CPT1C: variants seen among roughly 807,000 people sequenced by gnomAD.
CPT1C encodes the protein carnitine palmitoyltransferase 1C, also known as palmitoyl thioesterase CPT1C.
A neutral mutation model predicts 97.3 loss-of-function variants in CPT1C; 61 were observed. The ratio of observed to expected loss-of-function variants is 0.63; its 90% CI spans 0.51 to 0.78. The LOEUF (loss-of-function observed/expected upper bound fraction) is 0.78, where lower values mean the gene tolerates loss of function less well. Ranked by LOEUF, CPT1C falls within the 30% of genes least tolerant of loss-of-function variation. The probability of loss-of-function intolerance (pLI) is 0.00; values close to 1 mark genes in which losing one functional copy is unlikely to be tolerated. For synonymous variants in CPT1C, 469 were observed against 447.2 expected, an observed-to-expected ratio of 1.05 and a Z score of -0.61; for missense variants, 975 against 1,065.5, an observed-to-expected ratio of 0.92 and a Z score of 1.18.
chr19:49,706,495 C>G lies in CPT1C; in HGVS notation c.1343+82C>G. The stretch of plus-strand genomic sequence containing the variant: ...ACCTAGGACCCCTGACAGTAGACAG[C>G]CAGACCCTGGAGCCCACACCTGCAG... On this transcript the variant is annotated intron_variant, in intron 12 of 19. Transcript: ENST00000598293. The surrounding 1 kb of genome is among the most constrained non-coding windows in gnomAD (Gnocchi z 4.8). 8.2e-7 allele frequency: 1 copy of G among 1,226,844 alleles called. No homozygotes were observed. The highest frequency in any genetic ancestry group is 1.1e-6 in the Non-Finnish European group (1 of 942,182). 76.0% of individuals were successfully genotyped at this position (1,226,844 alleles called of 1,614,324 possible).
At chr19:49,698,791 T>C (rs1403398052) in intron 4 of CPT1C, among the ~76,000 whole-genome samples, 1 of 151,992 alleles carries the variant, frequency 6.6e-6, no homozygotes, top group Non-Finnish European at 1.5e-5. Context: ...CTTAGTGTGC[T>C]TGGAAGAATT....
In CPT1C at chr19:49,713,482, G is replaced by C. The variant is rs368751632; in HGVS notation, c.2289G>C (p.Gln763His). Residue 763 changes from glutamine to histidine, a missense_variant, in exon 20 of 20, where the codon CAG (glutamine) becomes CAC (histidine). Around this residue, in one of 3 missense-constraint regions of CPT1C, gnomAD observed 344 missense variants for 395.7 expected, o/e 0.87. Transcript: ENST00000598293. ...TGCTGGATGTGGCCTCCCTGTTCCA[G>C]GCGGGACAGCATTTTAAGCGCCGGT... ...DALLDVASLF[Q>H]AGQHFKRRFR... The C allele has an allele frequency of 5.0e-6, 8 of 1,614,240 alleles. No homozygotes were observed. The highest frequency in any genetic ancestry group is 3.3e-5 in the South Asian group (3 of 91,092).
chr19:49,706,272 C>T lies in CPT1C; in HGVS notation c.1202C>T (p.Ala401Val), dbSNP rs376287276. Reference sequence around the variant, plus strand: ...GTGCGGACATCCCTGAAGACCCAGGCAGCGGAGGCCCTGGAGGCGGTGGAA... The same window carrying T: ...GTGCGGACATCCCTGAAGACCCAGGTAGCGGAGGCCCTGGAGGCGGTGGAA... ...AQVRTSLKTQ[A>V]AEALEAVEGA... is the part of the protein sequence containing the mutation. The change falls in exon 12 of 20, where the codon GCA becomes GTA. Residue 401 changes from alanine (A) to valine (V), a missense_variant. Transcript: ENST00000598293. This position sits in a 1 kb window ranked among gnomAD's most constrained non-coding sequence, Gnocchi z 4.8. 4 of 1,539,468 alleles carry T rather than the reference C, an allele frequency of 2.6e-6. No individual in the cohort carries two copies. Among genetic ancestry groups the T allele is most frequent in the Non-Finnish European group, 3.5e-6 (4 of 1,146,090 alleles).
At chr19:49,707,995 T>A (rs1600129752) in intron 13 of CPT1C, among the ~76,000 whole-genome samples, 2 of 50,952 alleles carry the variant, frequency 3.9e-5, no homozygotes. Flanking sequence ...AGAGCAAGAA[T>A]ACATCTCAAA....
chr19:49,690,776 A>G (rs2082318177), upstream of CPT1C: 1 of 351,296 alleles, frequency 2.8e-6, no homozygotes, highest in African/African-American at 2.1e-5. The surrounding 1 kb of genome is among the most constrained non-coding windows in gnomAD (Gnocchi z 4.4). Flanking sequence ...ACCCCCAAAC[A>G]TCCCTCCTCC....
intron 7 of CPT1C, among the ~76,000 whole-genome samples, chr19:49,704,101 T>G (rs932602519): frequency 2.0e-5 from 3 of 152,256 alleles, no homozygotes; most frequent in Admixed American, 2.0e-4. Flanking sequence ...AAGGCCACAA[T>G]TTTCATGTAT....
At chr19:49,695,374 C>T (rs952493648) in intron 3 of CPT1C, among the ~76,000 whole-genome samples, 1 of 148,432 alleles carries the variant, frequency 6.7e-6, no homozygotes, top group African/African-American at 2.5e-5. Context: ...ATTTCCGCCT[C>T]ATGGGTTCAA....
chr19:49,713,547 G>A lies in CPT1C; in HGVS notation c.2354G>A (p.Gly785Glu). Residue 785 changes from glycine (G) to glutamate (E), a missense_variant, in exon 20 of 20, where the codon GGA becomes GAA. Gly to Glu is a moderately conservative substitution (Grantham distance 98). Transcript: ENST00000598293. ...AAGGAGAACTCCAGGCACAGGTGTG[G>A]ATTTCTCTCCCGCCAGACTGGGGCC... ...SGKENSRHRC[G>E]FLSRQTGASK... The A allele has an allele frequency of 6.2e-7, 1 of 1,614,168 alleles. No homozygotes were observed. Among genetic ancestry groups the A allele is most frequent in the Non-Finnish European group, 8.5e-7 (1 of 1,180,016 alleles).
In CPT1C at chr19:49,692,397, A is replaced by T; in HGVS notation, c.141+4A>T. 6.2e-7 allele frequency: 1 copy of T among 1,614,050 alleles called. No homozygotes were observed. ...AAGGCATCTCTCACGTTTCTGGGTG[A>T]GGAGCGGTGCTGGTCGGTTTCCTTC... is the stretch of plus-strand genomic sequence containing the variant. On this transcript the variant is annotated splice_donor_region_variant and intron_variant, in intron 3 of 19. Transcript: ENST00000598293.
At chr19:49,695,544 C>CA (rs1181495323) in intron 3 of CPT1C, among the ~76,000 whole-genome samples, 4 of 149,370 alleles carry the variant, frequency 2.7e-5, no homozygotes, top group African/African-American at 9.9e-5. Flanking sequence ...CTTGGCCTCT[C>CA]AGAGTGCTGG....
intron 4 of CPT1C, 127 bp downstream of exon 4, chr19:49,697,592 T>C: frequency 8.7e-7 from 1 of 1,148,354 alleles, no homozygotes; most frequent in Non-Finnish European, 1.2e-6. Context: ...GTCAGATTAA[T>C]AAAGGCATGG....
At chr19:49,711,686 T>C (rs2083896733) in intron 16 of CPT1C, 123 bp from the exon 17 acceptor site, 1 of 999,010 alleles carries the variant, frequency 1.0e-6, no homozygotes, top group Non-Finnish European at 1.5e-6. Context: ...ATCTGTAAAA[T>C]GGGGTTGATA....
intron 1 of CPT1C, chr19:49,691,616 C>A (rs1481229666): frequency 1.3e-5 from 2 of 152,188 alleles, no homozygotes; most frequent in Non-Finnish European, 2.9e-5. Flanking sequence ...CAATGTCTAA[C>A]AGGTGTTTGT....
In CPT1C at chr19:49,710,385, T is replaced by C; in HGVS notation, c.1632T>C (p.His544=). 1 of 1,614,136 alleles carries C rather than the reference T, an allele frequency of 6.2e-7. No homozygotes were observed. Among genetic ancestry groups the C allele is most frequent in the South Asian group, 1.1e-5 (1 of 91,076 alleles). The change falls in exon 15 of 20, where the codon CAT becomes CAC. Residue 544 remains histidine (H), a synonymous_variant. Coordinates refer to ENST00000598293, the MANE Select transcript of CPT1C (RefSeq NM_001199753.2). ...TCTTGTCTGAAAATGTCGACTGCCA[T>C]GTCGTTCCATTCTCCCTATTTGGCA... ...AKILSENVDC[H]VVPFSLFGKS...
intron 17 of CPT1C, chr19:49,712,343 C>CAAAAAAAAAAAAAAAAAAAAAAAAAAAAA (rs750870666): frequency 8.9e-6 from 1 of 112,672 alleles, no homozygotes; most frequent in African/African-American, 5.6e-5. Context: ...GACTCTGTCT[C>CAAAAAAAAAAAAAAAAAAAAAAAAAAAAA]AAAAAAAAAA....
At chr19:49,693,787 G>A (rs575987596) in intron 3 of CPT1C, among the ~76,000 whole-genome samples, 11 of 152,062 alleles carry the variant, frequency 7.2e-5, no homozygotes, top group Non-Finnish European at 1.5e-4. Flanking sequence ...GGTCGGGCAC[G>A]GTGGCTCATG....
intron 5 of CPT1C, 122 bp downstream of exon 5, chr19:49,700,977 C>G (rs2082991997): frequency 1.3e-5 from 14 of 1,076,804 alleles, no homozygotes; most frequent in Non-Finnish European, 1.9e-5. Flanking sequence ...TCTCTTCCCC[C>G]TCTCTTTCTG....
chr19:49,711,188 G>C (rs1444332440), intron 16 of CPT1C: 1 of 174,682 alleles, frequency 5.7e-6, no homozygotes, highest in Non-Finnish European at 1.2e-5. Context: ...CTGCCTCTCA[G>C]GTTCAAGCGA....
At position 49,707,636 on chromosome 19, in the gene CPT1C, G is replaced by A; in HGVS notation, c.1449+13G>A. ...ACACATGTGGGAGGTAGGGCGGCCA[G>A]CCCTCCCTGGTTCTGGGGACCCCTG... On this transcript the variant is annotated intron_variant, in intron 13 of 19. Coordinates refer to ENST00000598293, the MANE Select transcript of CPT1C (RefSeq NM_001199753.2). 4 of 1,579,954 alleles carry A rather than the reference G, an allele frequency of 2.5e-6. No individual in the cohort carries two copies. Among genetic ancestry groups the A allele is most frequent in the Non-Finnish European group, 3.5e-6 (4 of 1,155,074 alleles).
Sources: gnomAD v4.1 joint callset for allele counts (sites outside exome capture counted in the v4.1 genomes callset) on GRCh38, gnomAD v4.1.1 for gene constraint, gnomAD v4.1.1 regional missense constraint, Gnocchi (gnomAD v3.1) non-coding constraint, MANE v1.5 for transcripts, NCBI Gene and HGNC (gene_info 2026-07-23, HGNC 2026-07-21) for gene names.